RIPOR2: variants seen among roughly 807,000 people sequenced by gnomAD.
RIPOR2 encodes rho family-interacting cell polarization regulator 2.
Under a neutral mutation model 114.5 loss-of-function variants are expected in RIPOR2, and 39 were observed. The ratio of observed to expected loss-of-function variants is 0.34; its 90% CI spans 0.26 to 0.44. The LOEUF (loss-of-function observed/expected upper bound fraction) is 0.44, where lower values mean the gene tolerates loss of function less well. Among genes scored for constraint, RIPOR2 ranks in the 20% least tolerant of loss-of-function variants. The pLI is 1.00. For missense variants in RIPOR2, 1,007 were observed against 1,255.1 expected, an observed-to-expected ratio of 0.80 and a Z score of 2.99; for synonymous variants, 445 against 484.4, an observed-to-expected ratio of 0.92 and a Z score of 1.07.
At chr6:24,843,698 C>CGTGTGTGTGTGTGTGT in intron 12 of RIPOR2, 144 bp from the exon 13 acceptor site, 1 of 360,864 alleles carries the variant, frequency 2.8e-6, no homozygotes, top group African/African-American at 2.3e-5. Context: ...TTGTTGATGC[C>CGTGTGTGTGTGTGTGT]GTGTGTGTGT....
At chr6:24,868,602 TG>T (rs1425952845) in intron 6 of RIPOR2, among the ~76,000 whole-genome samples, 1 of 152,012 alleles carries the variant, frequency 6.6e-6, no homozygotes, top group Non-Finnish European at 1.5e-5. Flanking sequence ...GAGGATAAAA[TG>T]GCACCCGAAA....
intron 1 of RIPOR2, among the ~76,000 whole-genome samples, chr6:24,915,638 C>T (rs761083352): frequency 2.6e-5 from 4 of 152,202 alleles, no homozygotes; most frequent in Non-Finnish European, 4.4e-5. Context: ...GCTAGGATTA[C>T]AGGTGTGAAC....
rs762773503 is a variant in RIPOR2, at chr6:24,848,092, T to C, written c.1097A>G (p.Gln366Arg). Residue 366 changes from glutamine to arginine, a missense_variant, in exon 12 of 22, where the codon CAG becomes CGG. Physicochemically the swap from Gln to Arg is conservative, Grantham distance 43 (BLOSUM62 1). Coordinates refer to ENST00000643898, the MANE Select transcript of RIPOR2 (RefSeq NM_001286445.3). ...CTGGCTGTACATGGACATTCTCCTC[T>C]GAAGGGCTGCTGCCTTGTTCCCAGC... ...SGAGNKAAAL[Q>R]RRMSMYSQGT... 1.2e-5 allele frequency: 19 copies of C among 1,613,812 alleles called. No individual in the cohort carries two copies. The highest frequency in any genetic ancestry group is 1.5e-5 in the Non-Finnish European group (18 of 1,179,850).
At chr6:24,989,903 G>A (rs990459259) in intron 1 of RIPOR2, among the ~76,000 whole-genome samples, 29 of 151,994 alleles carry the variant, frequency 1.9e-4, no homozygotes, top group African/African-American at 5.3e-4. Context: ...GGTGGTGGGC[G>A]CCTGTAATCC....
In RIPOR2 at chr6:24,805,621, T is replaced by C. The variant is rs1780724644; in HGVS notation, c.*752A>G. ...AAGATATTCTTTTTTGTGCTTTGTATTGAAAGTAAAGTTAGGTAGCTAAGG... is the reference window on the plus strand; with the variant it reads ...AAGATATTCTTTTTTGTGCTTTGTACTGAAAGTAAAGTTAGGTAGCTAAGG... On this transcript the variant is annotated 3_prime_UTR_variant, in exon 22 of 22. Coordinates refer to ENST00000643898, the MANE Select transcript of RIPOR2 (RefSeq NM_001286445.3). 1 of 152,136 alleles carries C rather than the reference T, an allele frequency of 6.6e-6. No individual in the cohort carries two copies. The highest frequency in any genetic ancestry group is 2.4e-5 in the African/African-American group (1 of 41,418). The allele number at this position is 152,136 out of a possible 1,614,324, so 9.4% of individuals were successfully genotyped here. A position where few individuals can be genotyped will look rare whatever the true frequency, so the allele number is the denominator to read the frequency against.
intron 1 of RIPOR2, among the ~76,000 whole-genome samples, chr6:24,964,659 A>G (rs1232006283): frequency 1.3e-5 from 2 of 152,218 alleles, no homozygotes; most frequent in Admixed American, 1.3e-4. Flanking sequence ...AAGGCTGAGG[A>G]GTGCTGATGT....
intron 1 of RIPOR2, among the ~76,000 whole-genome samples, chr6:24,988,324 T>A (rs971446834): frequency 4.6e-5 from 7 of 152,288 alleles, no homozygotes; most frequent in Admixed American, 2.0e-4. Context: ...TAGCTGGGAT[T>A]ACAGGTGCCC....
Position 24,843,395 on chromosome 6 carries a change from G to A in RIPOR2, c.1324C>T (p.Pro442Ser). 6.2e-7 allele frequency: 1 copy of A among 1,613,910 alleles called. No homozygotes were observed. The highest frequency in any genetic ancestry group is 2.2e-5 in the East Asian group (1 of 44,870). The change falls in exon 13 of 22, where the codon CCT becomes TCT. Residue 442 changes from proline (P) to serine (S), a missense_variant. Transcript: ENST00000643898. ...NSTNPEITIT[P>S]AEFNLSSLAS... ...AAGCTGCTGAGGTTAAACTCCGCAG[G>A]GGTGATGGTAATTTCTGGATTTGTT...
At chr6:24,840,185 C>T in intron 13 of RIPOR2, 1 of 958,192 alleles carries the variant, frequency 1.0e-6, no homozygotes, top group Non-Finnish European at 1.2e-6. Context: ...TCTTGGGCTC[C>T]AGCAATCCTG....
At position 24,852,734 on chromosome 6, in the gene RIPOR2, T is replaced by C. The variant is rs4421189; in HGVS notation, c.716-116A>G. 113,442 of 717,260 alleles carry C rather than the reference T, an allele frequency of 0.16. 9,729 individuals carry two copies. The highest frequency in any genetic ancestry group is 0.25 in the East Asian group (8,342 of 33,082). 44.4% of individuals were successfully genotyped at this position (717,260 alleles called of 1,614,324 possible). A position where few individuals can be genotyped will look rare whatever the true frequency, so the allele number is the denominator to read the frequency against. ...TGTCAGAACTTTGTGCAAACTCACATAACACTTTTTGGGGCCATTCCTGGG... is the reference window on the plus strand; with the variant it reads ...TGTCAGAACTTTGTGCAAACTCACACAACACTTTTTGGGGCCATTCCTGGG... On this transcript the variant is annotated intron_variant, in intron 8 of 21. Coordinates refer to ENST00000643898, the MANE Select transcript of RIPOR2 (RefSeq NM_001286445.3).
chr6:24,918,345 T>C (rs1770242648), intron 1 of RIPOR2, among the ~76,000 whole-genome samples: 3 of 152,276 alleles, frequency 2.0e-5, no homozygotes, highest in Non-Finnish European at 4.4e-5. Context: ...TATCTGCTTT[T>C]ATCCAGTCAT....
At chr6:25,035,660 G>T (rs6940553) in intron 1 of RIPOR2, among the ~76,000 whole-genome samples, 6,227 of 152,214 alleles carry the variant, frequency 0.041, 401 homozygotes, top group African/African-American at 0.14. Context: ...ACATGAGTGT[G>T]GTCAAGGCCT....
intron 1 of RIPOR2, chr6:25,024,303 A>G: frequency 6.6e-7 from 1 of 1,525,662 alleles, no homozygotes; most frequent in Non-Finnish European, 9.1e-7. Flanking sequence ...ATCCTCAATG[A>G]ACACCTTTTT....
chr6:24,964,488 CT>C (rs1760067299), intron 1 of RIPOR2, among the ~76,000 whole-genome samples: 1 of 152,158 alleles, frequency 6.6e-6, no homozygotes, highest in Admixed American at 6.5e-5. Context: ...CTTTTTATTG[CT>C]GAGTATATTG....
intron 1 of RIPOR2, among the ~76,000 whole-genome samples, chr6:24,971,044 T>C (rs997953884): frequency 1.3e-5 from 2 of 152,194 alleles, no homozygotes; most frequent in South Asian, 4.1e-4. Context: ...AGCCTAGTTA[T>C]GACAGTATTT....
chr6:24,872,886 G>GA lies in RIPOR2; in HGVS notation c.417dup (p.Arg140SerfsTer7). The GA allele has an allele frequency of 6.2e-7, 1 of 1,605,154 alleles. No individual in the cohort carries two copies. The highest frequency in any genetic ancestry group is 8.5e-7 in the Non-Finnish European group (1 of 1,172,816). On this transcript the variant is annotated frameshift_variant, in exon 4 of 22. Coordinates refer to ENST00000643898, the MANE Select transcript of RIPOR2 (RefSeq NM_001286445.3). LOFTEE classifies it high-confidence loss of function. ...AATGACTGCATAGTACCTACCAGGC[G>GA]AGAGTTTCTTTTCATATCTTTTAAC...
At chr6:24,960,455 C>A (rs746590342) in intron 1 of RIPOR2, among the ~76,000 whole-genome samples, 1 of 152,196 alleles carries the variant, frequency 6.6e-6, no homozygotes, top group Non-Finnish European at 1.5e-5. Context: ...ATCACCTAAT[C>A]ACTACCTAAA....
At chr6:24,966,722 G>C (rs957677610) in intron 1 of RIPOR2, among the ~76,000 whole-genome samples, 3 of 152,188 alleles carry the variant, frequency 2.0e-5, no homozygotes, top group Admixed American at 2.0e-4. Context: ...GTACAGCACT[G>C]CCATGTGAAC....
At chr6:24,949,279 G>C (rs1239911617) in intron 1 of RIPOR2, among the ~76,000 whole-genome samples, 3 of 152,166 alleles carry the variant, frequency 2.0e-5, no homozygotes, top group African/African-American at 7.2e-5. Flanking sequence ...GAGGGGAGCA[G>C]AAAGCCGCCA....
Sources: allele counts gnomAD v4.1 joint callset (sites outside exome capture counted in the v4.1 genomes callset), GRCh38; gene constraint gnomAD v4.1.1; transcripts MANE v1.5; gene names NCBI Gene and HGNC (gene_info 2026-07-23, HGNC 2026-07-21).